The following NOX3 variants were observed in gnomAD, a reference collection of about 807,000 sequenced individuals.
The protein encoded by NOX3 is NADPH oxidase catalytic subunit-like 3.
Under a neutral mutation model 76.7 loss-of-function variants are expected in NOX3, and 74 were observed. That is an observed-to-expected ratio of 0.96 (90% CI 0.80 to 1.17). The LOEUF (loss-of-function observed/expected upper bound fraction) is 1.17. NOX3 is among the 50% of genes most tolerant of loss of function. NOX3 has a pLI of 0.00. For synonymous variants in NOX3, 263 were observed against 261.1 expected (o/e 1.01, Z -0.07); for missense variants, 695 against 703.3 (o/e 0.99, Z 0.13).
chr6:155,444,854 A>G (rs1777040721), intron 4 of NOX3, among the ~76,000 whole-genome samples: 1 of 152,180 alleles, frequency 6.6e-6, no homozygotes, highest in Non-Finnish European at 1.5e-5. Flanking sequence ...ACTACTCTAT[A>G]TGTATATATA....
In NOX3 at chr6:155,406,089, C is replaced by G. The variant is rs144400852; in HGVS notation, c.1580+1041G>C. The stretch of plus-strand genomic sequence containing the variant: ...GCCCACATGGCACACTCCTTCACTG[C>G]CTTCAGATCTTTCCTCAAATATGGG... On this transcript the variant is annotated intron_variant, in intron 12 of 13. Coordinates refer to ENST00000159060, the MANE Select transcript of NOX3 (RefSeq NM_015718.3). 1.7e-3 allele frequency among the ~76,000 whole-genome samples: 260 copies of G among 152,322 alleles called. 1 individual carries two copies. The highest frequency in any genetic ancestry group is 6.0e-3 in the African/African-American group (250 of 41,562).
intron 4 of NOX3, among the ~76,000 whole-genome samples, chr6:155,450,984 T>A (rs573871125): frequency 0.011 from 1,633 of 149,296 alleles, 24 homozygotes; most frequent in African/African-American, 0.035. Flanking sequence ...ATTGAAAAAT[T>A]TTTTTTTTTT....
chr6:155,396,436 A>G (rs549044847), intron 13 of NOX3, among the ~76,000 whole-genome samples: 9 of 152,262 alleles, frequency 5.9e-5, no homozygotes, highest in African/African-American at 2.2e-4. Context: ...TAATGTAGGG[A>G]ATGGAAACAA....
At chr6:155,411,841 G>A (rs979419146) in intron 10 of NOX3, among the ~76,000 whole-genome samples, 1 of 152,156 alleles carries the variant, frequency 6.6e-6, no homozygotes, top group Non-Finnish European at 1.5e-5. Flanking sequence ...GGAGATTATG[G>A]TAATTTCAGA....
chr6:155,441,155 C>T (rs531021959), intron 5 of NOX3, among the ~76,000 whole-genome samples: 9 of 152,306 alleles, frequency 5.9e-5, no homozygotes, highest in African/African-American at 1.9e-4. Context: ...TTCCCATGTT[C>T]TTGCCAAGTC....
rs1312138688 is a variant in NOX3 at position 155,431,037 on chromosome 6, AT to A, written c.799-103del. 10 of 718,870 alleles carry A rather than the reference AT, an allele frequency of 1.4e-5. No homozygotes were observed. The East Asian group carries it at 2.4e-4, about 17-fold the overall frequency. 44.5% of individuals were successfully genotyped at this position (718,870 alleles called of 1,614,324 possible). A position where few individuals can be genotyped will look rare whatever the true frequency, so the allele number is the denominator to read the frequency against. ...ATATACAACATGATGGGGATTAGAT[AT>A]TTTTCCTTTAACTTTGGGCCAGTTA... On this transcript the variant is annotated intron_variant, in intron 7 of 13. Coordinates refer to ENST00000159060, the MANE Select transcript of NOX3 (RefSeq NM_015718.3).
chr6:155,406,554 T>C (rs1290197701), intron 12 of NOX3, among the ~76,000 whole-genome samples: 1 of 152,226 alleles, frequency 6.6e-6, no homozygotes, highest in Non-Finnish European at 1.5e-5. Context: ...GTTTTAAGCC[T>C]CTTACATGCA....
intron 9 of NOX3, among the ~76,000 whole-genome samples, chr6:155,424,488 A>T (rs1776731737): frequency 6.6e-6 from 1 of 152,248 alleles, no homozygotes; most frequent in African/African-American, 2.4e-5. Context: ...AAGGTTTCTG[A>T]GTTATTCATA....
chr6:155,416,073 G>A (rs1157228810), intron 10 of NOX3, among the ~76,000 whole-genome samples: 3 of 152,156 alleles, frequency 2.0e-5, no homozygotes, highest in African/African-American at 7.2e-5. Context: ...CACCAGGCTC[G>A]GTGTGTGCTA....
intron 7 of NOX3, among the ~76,000 whole-genome samples, chr6:155,433,027 C>T (rs1776854859): frequency 1.3e-5 from 2 of 152,186 alleles, no homozygotes; most frequent in Non-Finnish European, 2.9e-5. Flanking sequence ...GACACTCAGT[C>T]TTCATATATT....
intron 6 of NOX3, among the ~76,000 whole-genome samples, chr6:155,437,467 G>T (rs997166259): frequency 6.6e-6 from 1 of 152,204 alleles, no homozygotes; most frequent in Non-Finnish European, 1.5e-5. Flanking sequence ...GGAGGAAGGA[G>T]CAGTAATACG....
In NOX3 at chr6:155,454,938, A is replaced by G; in HGVS notation, c.145-17T>C. The G allele has an allele frequency of 6.3e-7, 1 of 1,598,670 alleles. No individual in the cohort carries two copies. On this transcript the variant is annotated splice_polypyrimidine_tract_variant and intron_variant, in intron 2 of 13. Coordinates refer to ENST00000159060, the MANE Select transcript of NOX3 (RefSeq NM_015718.3). ...CAGTGTTGACTGTCCACATGTAAAG[A>G]CATAAAAAAGAGATTCAGGGAAAAC...
chr6:155,402,695 C>A (rs1416643490), intron 12 of NOX3, among the ~76,000 whole-genome samples: 2 of 152,032 alleles, frequency 1.3e-5, no homozygotes, highest in Non-Finnish European at 2.9e-5. Context: ...TCTTTTTGCC[C>A]CTCTTCACTT....
At position 155,402,790 on chromosome 6, in the gene NOX3, C is replaced by T. The variant is rs116227738; in HGVS notation, c.1580+4340G>A. 5.7e-3 allele frequency among the ~76,000 whole-genome samples: 875 copies of T among 152,224 alleles called. 8 individuals are homozygous for T. The highest frequency in any genetic ancestry group is 0.02 in the African/African-American group (827 of 41,532). ...GTAAATATTTTTGAAAGAGTAAGTC[C>T]GGAGAATCCTCGGCTTCGTGCTGAT... On this transcript the variant is annotated intron_variant, in intron 12 of 13. Coordinates refer to ENST00000159060, the MANE Select transcript of NOX3 (RefSeq NM_015718.3).
At chr6:155,415,738 C>T (rs1045330566) in intron 10 of NOX3, among the ~76,000 whole-genome samples, 2 of 152,156 alleles carry the variant, frequency 1.3e-5, no homozygotes, top group African/African-American at 4.8e-5. Flanking sequence ...AAACACAGAA[C>T]AATAGCTCCT....
chr6:155,446,571 C>T (rs931305899), intron 4 of NOX3, among the ~76,000 whole-genome samples: 5 of 152,182 alleles, frequency 3.3e-5, no homozygotes, highest in Admixed American at 6.5e-5. Flanking sequence ...TAGTGATTTG[C>T]GTGACTCGGT....
Position 155,422,747 on chromosome 6 carries a change from T to G in NOX3, c.1255A>C (p.Lys419Gln), listed in dbSNP as rs762728706. The G allele has an allele frequency of 6.2e-7, 1 of 1,614,132 alleles. No individual in the cohort carries two copies. Among genetic ancestry groups the G allele is most frequent in the East Asian group, 2.2e-5 (1 of 44,862 alleles). Reference sequence around the variant, plus strand: ...TCACTGCATTTGTACCATATAGATTTCAGAAGAGCAGCGAAGGGAGTGACT... The same window carrying G: ...TCACTGCATTTGTACCATATAGATTGCAGAAGAGCAGCGAAGGGAGTGACT... ...IGVTPFAALL[K>Q]SIWYKCSEAQ... The change falls in exon 10 of 14, where the codon AAA (lysine) becomes CAA (glutamine). Residue 419 changes from lysine (K) to glutamine (Q), a missense_variant. Lys to Gln is a moderately conservative substitution (Grantham distance 53). Transcript: ENST00000159060.
intron 6 of NOX3, 93 bp downstream of exon 6, chr6:155,439,863 C>T (rs186983140): frequency 2.1e-5 from 24 of 1,165,164 alleles, no homozygotes; most frequent in Middle Eastern, 2.6e-4. Flanking sequence ...CTGTAGTCAC[C>T]GCACGCCGGC....
intron 5 of NOX3, among the ~76,000 whole-genome samples, 172 bp downstream of exon 5, chr6:155,443,101 A>G (rs564221210): frequency 6.6e-6 from 1 of 152,354 alleles, no homozygotes; most frequent in African/African-American, 2.4e-5. Context: ...TCCCAGCAAC[A>G]TTAATGAGAA....
Sources: allele counts gnomAD v4.1 joint callset (sites outside exome capture counted in the v4.1 genomes callset), GRCh38; gene constraint gnomAD v4.1.1; transcripts MANE v1.5; gene names NCBI Gene and HGNC (gene_info 2026-07-23, HGNC 2026-07-21).